The following PRKCB variants were observed in gnomAD, a reference collection of about 807,000 sequenced individuals.
PRKCB encodes the protein protein kinase C beta.
PRKCB carries 13 observed loss-of-function variants against 81.5 expected under a neutral mutation model. The observed-to-expected ratio is 0.16, with a 90% CI of 0.10 to 0.25. The LOEUF is 0.25. PRKCB is among the 10% of genes least tolerant of loss of function. The pLI, the probability that PRKCB is intolerant of heterozygous loss-of-function variation, is 1.00. For synonymous variants in PRKCB, 335 were observed against 321.4 expected (o/e 1.04, Z -0.45); for missense variants, 509 against 875.7 (o/e 0.58, Z 5.29).
intron 4 of PRKCB, 37 bp from the exon 5 acceptor site, chr16:24,035,382 C>T (rs375904400): frequency 1.1e-5 from 18 of 1,602,604 alleles, no homozygotes; most frequent in Admixed American, 1.7e-5. Flanking sequence ...CCAGCCTGGG[C>T]CAGCCTAAGC....
At chr16:24,014,519 C>T (rs1240421543) in intron 3 of PRKCB, among the ~76,000 whole-genome samples, 6 of 152,174 alleles carry the variant, frequency 3.9e-5, no homozygotes, top group African/African-American at 1.4e-4. Context: ...GAACTGAGAC[C>T]AGACCATGGC....
chr16:23,891,897 G>A (rs1963300936), intron 2 of PRKCB, among the ~76,000 whole-genome samples: 1 of 152,156 alleles, frequency 6.6e-6, no homozygotes, highest in South Asian at 2.1e-4. Context: ...AAGGGAATTT[G>A]TCAGTGTTTA....
chr16:24,030,178 G>A (rs978390316), intron 3 of PRKCB, among the ~76,000 whole-genome samples: 26 of 152,156 alleles, frequency 1.7e-4, no homozygotes, highest in Non-Finnish European at 2.6e-4. Flanking sequence ...GGTTATAGGC[G>A]TGAGACACTG....
intron 5 of PRKCB, among the ~76,000 whole-genome samples, chr16:24,081,650 A>G (rs765779926): frequency 6.1e-4 from 93 of 152,240 alleles, no homozygotes; most frequent in Non-Finnish European, 7.4e-4. Flanking sequence ...AGGTGGGTGG[A>G]TCATCTGAGG....
chr16:23,896,883 A>ACCAT (rs55662090), intron 2 of PRKCB, among the ~76,000 whole-genome samples: 11,756 of 149,178 alleles, frequency 0.079, 643 homozygotes, highest in African/African-American at 0.16. Context: ...CATCCATCCA[A>ACCAT]CCATCCATCC....
intron 2 of PRKCB, among the ~76,000 whole-genome samples, chr16:23,986,874 C>T (rs1311803602): frequency 6.6e-6 from 1 of 152,176 alleles, no homozygotes; most frequent in African/African-American, 2.4e-5. Context: ...TAATCCTCCC[C>T]TTTCTCTCCC....
chr16:23,907,559 C>A (rs975022160), intron 2 of PRKCB, among the ~76,000 whole-genome samples: 2 of 152,096 alleles, frequency 1.3e-5, no homozygotes, highest in Admixed American at 6.5e-5. Flanking sequence ...AGCCACTGTG[C>A]CCAGCCTGAA....
intron 5 of PRKCB, among the ~76,000 whole-genome samples, chr16:24,038,073 T>C (rs921922141): frequency 5.3e-5 from 8 of 152,056 alleles, no homozygotes; most frequent in Admixed American, 2.0e-4. Flanking sequence ...TCCCAGCTAC[T>C]TGGGAGGCTG....
chr16:23,878,217 A>G (rs533243612), intron 2 of PRKCB, among the ~76,000 whole-genome samples: 1 of 152,318 alleles, frequency 6.6e-6, no homozygotes, highest in African/African-American at 2.4e-5. Flanking sequence ...CATTGTTCCT[A>G]GGTGAAATAC....
intron 2 of PRKCB, among the ~76,000 whole-genome samples, chr16:23,888,956 T>TGA (rs1322602301): frequency 6.6e-6 from 1 of 152,160 alleles, no homozygotes; most frequent in East Asian, 1.9e-4. Context: ...GGGGGGAGTA[T>TGA]GAGACCTGCA....
chr16:24,037,092 G>A (rs1373413660), intron 5 of PRKCB, among the ~76,000 whole-genome samples: 1 of 152,132 alleles, frequency 6.6e-6, no homozygotes, highest in Non-Finnish European at 1.5e-5. Context: ...GGGTTCAAGC[G>A]ATTCTCCTGC....
intron 9 of PRKCB, among the ~76,000 whole-genome samples, chr16:24,152,408 G>A (rs1208657956): frequency 2.0e-5 from 3 of 152,172 alleles, no homozygotes; most frequent in South Asian, 4.1e-4. Context: ...ACGAGATTTG[G>A]GTGGGGACAC....
chr16:23,886,250 T>C (rs1937727304), intron 2 of PRKCB, among the ~76,000 whole-genome samples: 2 of 152,156 alleles, frequency 1.3e-5, no homozygotes, highest in South Asian at 2.1e-4. Context: ...AAGGCTTTTC[T>C]TGAGAGAGGC....
intron 16 of PRKCB, among the ~76,000 whole-genome samples, chr16:24,192,376 T>A (rs915886608): frequency 1.8e-4 from 27 of 152,274 alleles, no homozygotes; most frequent in Non-Finnish European, 2.8e-4. Flanking sequence ...TAAGATAACA[T>A]CTGTGTGTAC....
chr16:24,056,504 TC>T (rs1454942357), intron 5 of PRKCB, among the ~76,000 whole-genome samples: 1 of 152,234 alleles, frequency 6.6e-6, no homozygotes, highest in Non-Finnish European at 1.5e-5. Context: ...CCACCAAGTC[TC>T]ATGTTGAAAT....
intron 9 of PRKCB, among the ~76,000 whole-genome samples, chr16:24,136,778 C>G (rs190318699): frequency 1.3e-5 from 2 of 152,134 alleles, no homozygotes; most frequent in Non-Finnish European, 2.9e-5. Context: ...GGGCAGTTTT[C>G]CTATGAGAAA....
At chr16:24,069,705 ACT>A (rs1435200365) in intron 5 of PRKCB, among the ~76,000 whole-genome samples, 1 of 152,116 alleles carries the variant, frequency 6.6e-6, no homozygotes, top group African/African-American at 2.4e-5. Flanking sequence ...GCACTACTGT[ACT>A]CCAGCCTGAG....
At chr16:24,089,932 C>A (rs1158112882) in intron 5 of PRKCB, among the ~76,000 whole-genome samples, 1 of 152,118 alleles carries the variant, frequency 6.6e-6, no homozygotes, top group African/African-American at 2.4e-5. Flanking sequence ...CATGTATATT[C>A]TTTATCCAAT....
chr16:24,187,575 C>T (rs1967723008), intron 15 of PRKCB, among the ~76,000 whole-genome samples: 1 of 152,214 alleles, frequency 6.6e-6, no homozygotes, highest in Non-Finnish European at 1.5e-5. Context: ...CCTGGAATTG[C>T]AACTTTTAAA....
Sources: gnomAD v4.1 joint callset for allele counts (sites outside exome capture counted in the v4.1 genomes callset) on GRCh38, gnomAD v4.1.1 for gene constraint, MANE v1.5 for transcripts, NCBI Gene and HGNC (gene_info 2026-07-23, HGNC 2026-07-21) for gene names.